SLC35A3: variants seen among roughly 807,000 people sequenced by gnomAD.
SLC35A3 encodes the protein solute carrier family 35 member A3, also known as UDP-N-acetylglucosamine transporter.
In SLC35A3, 26 loss-of-function variants were observed where a neutral mutation model predicts 39.0. The ratio of observed to expected loss-of-function variants is 0.67; its 90% CI spans 0.49 to 0.92. The LOEUF (loss-of-function observed/expected upper bound fraction) is 0.92, where lower values mean the gene tolerates loss of function less well. SLC35A3 is among the 40% of genes least tolerant of loss of function. The pLI, the probability that SLC35A3 is intolerant of heterozygous loss-of-function variation, is 0.00. For missense variants in SLC35A3, 299 were observed against 371.6 expected (o/e 0.80, Z 1.61); for synonymous variants, 135 against 133.1 (o/e 1.01, Z -0.10).
In SLC35A3 at chr1:100,028,493, AT is replaced by A. The variant is rs1311054031; in HGVS notation, c.*6022del. On this transcript the variant is annotated 3_prime_UTR_variant, in exon 8 of 8. Coordinates refer to ENST00000533028, the MANE Select transcript of SLC35A3 (RefSeq NM_012243.3). ...AGGTGCGCGCCACCATGCCCAGCTG[AT>A]TTTTGTATTTTTTTGTAGAGATGGG... 6.6e-6 allele frequency: 1 copy of A among 151,974 alleles called. No homozygotes were observed. Among genetic ancestry groups the A allele is most frequent in the East Asian group, 1.9e-4 (1 of 5,158 alleles). 9.4% of individuals were successfully genotyped at this position (151,974 alleles called of 1,614,324 possible).
chr1:100,005,209 T>G (rs1659139279), intron 3 of SLC35A3, among the ~76,000 whole-genome samples: 1 of 152,242 alleles, frequency 6.6e-6, no homozygotes, highest in Non-Finnish European at 1.5e-5. Flanking sequence ...GGAGATTCCC[T>G]TATATGTAAC....
chr1:100,007,225 G>T, intron 4 of SLC35A3, 69 bp downstream of exon 4: 1 of 1,344,396 alleles, frequency 7.4e-7, no homozygotes, highest in Non-Finnish European at 1.0e-6. Context: ...ATTTTGTGTG[G>T]AGAAATATGG....
At chr1:99,990,776 A>G (rs1277050537) in intron 1 of SLC35A3, among the ~76,000 whole-genome samples, 1 of 152,116 alleles carries the variant, frequency 6.6e-6, no homozygotes, top group Non-Finnish European at 1.5e-5. Context: ...CTAACTCTCA[A>G]TATGATGGTA....
At chr1:100,006,552 G>A (rs965109191) in intron 3 of SLC35A3, among the ~76,000 whole-genome samples, 1 of 152,136 alleles carries the variant, frequency 6.6e-6, no homozygotes, top group Admixed American at 6.6e-5. Flanking sequence ...AACAGGTTGT[G>A]CAGGGTCAGT....
rs1184691007 is a variant in SLC35A3, at chr1:100,011,447, G to A, written c.548G>A (p.Cys183Tyr). Reference protein sequence around the residue: ...FVGLMAVLTACFSSGFAGVYF... With the variant: ...FVGLMAVLTAYFSSGFAGVYF... ...GGACTCATGGCAGTTCTCACAGCAT[G>A]TTTTTCAAGTGGCTTTGCTGGGGTT... is the stretch of plus-strand genomic sequence containing the variant. Residue 183 changes from cysteine to tyrosine, a missense_variant, in exon 5 of 8, where the codon TGT (cysteine) becomes TAT (tyrosine). Cys to Tyr is a radical substitution (Grantham distance 194). Coordinates refer to ENST00000533028, the MANE Select transcript of SLC35A3 (RefSeq NM_012243.3). 1 of 1,583,232 alleles carries A rather than the reference G, an allele frequency of 6.3e-7. No homozygotes were observed. The highest frequency in any genetic ancestry group is 8.6e-7 in the Non-Finnish European group (1 of 1,158,646).
intron 1 of SLC35A3, among the ~76,000 whole-genome samples, chr1:99,990,683 T>C (rs1427113879): frequency 6.6e-6 from 1 of 152,200 alleles, no homozygotes; most frequent in Non-Finnish European, 1.5e-5. Context: ...TGTTTGACAA[T>C]ATTTATATAT....
At chr1:99,988,906 ACATG>A (rs1387465958) in intron 1 of SLC35A3, among the ~76,000 whole-genome samples, 1 of 151,912 alleles carries the variant, frequency 6.6e-6, no homozygotes, top group East Asian at 1.9e-4. Flanking sequence ...AGCTGGAACT[ACATG>A]CATGTAGCAC....
chr1:100,024,591 C>CA lies in SLC35A3; in HGVS notation c.*2115_*2116insA. On this transcript the variant is annotated 3_prime_UTR_variant, in exon 8 of 8. Transcript: ENST00000533028. Reference sequence around the variant, plus strand: ...AAAACACACACACACACACACACACCCACAGTATGAATGAAAAAAATAAAA... The same window carrying CA: ...AAAACACACACACACACACACACACCACACAGTATGAATGAAAAAAATAAAA... The CA allele has an allele frequency of 4.0e-6, 1 of 249,358 alleles. No homozygotes were observed. Among genetic ancestry groups the CA allele is most frequent in the Non-Finnish European group, 7.6e-6 (1 of 132,362 alleles). The allele number at this position is 249,358 out of a possible 1,614,324, so 15.4% of individuals were successfully genotyped here. A position where few individuals can be genotyped will look rare whatever the true frequency, so the allele number is the denominator to read the frequency against.
intron 1 of SLC35A3, among the ~76,000 whole-genome samples, chr1:99,986,605 T>G (rs886129215): frequency 6.6e-6 from 1 of 152,122 alleles, no homozygotes; most frequent in Non-Finnish European, 1.5e-5. Flanking sequence ...TTTGATTTTT[T>G]GAGACAGGGC....
At chr1:99,973,754 T>C (rs201438740) in intron 1 of SLC35A3, among the ~76,000 whole-genome samples, 4 of 152,194 alleles carry the variant, frequency 2.6e-5, no homozygotes, top group Admixed American at 6.5e-5. Context: ...TGGTGGCTCA[T>C]GCCTGTAATC....
chr1:100,011,754 C>G (rs573112287), intron 5 of SLC35A3, among the ~76,000 whole-genome samples: 5 of 150,978 alleles, frequency 3.3e-5, no homozygotes, highest in African/African-American at 1.2e-4. Context: ...GATTCTCGCT[C>G]TCTCGCCCAG....
chr1:100,022,441 G>A lies in SLC35A3; in HGVS notation c.943G>A (p.Asp315Asn). The part of the protein sequence containing the change: ...VITATFLYGY[D>N]PKPAGNPTKA The stretch of plus-strand genomic sequence containing the variant: ...AACAGCTACTTTTTTGTATGGTTAT[G>A]ATCCCAAACCTGCAGGAAATCCCAC... The change falls in exon 8 of 8, where the codon GAT becomes AAT. Residue 315 changes from aspartate (D) to asparagine (N), a missense_variant. By Grantham distance (23) the Asp-to-Asn change is conservative (BLOSUM62 1). Transcript: ENST00000533028. The A allele has an allele frequency of 6.2e-7, 1 of 1,606,422 alleles. No individual in the cohort carries two copies. Among genetic ancestry groups the A allele is most frequent in the Non-Finnish European group, 8.5e-7 (1 of 1,174,202 alleles).
At chr1:99,999,781 C>T (rs950690986) in intron 3 of SLC35A3, among the ~76,000 whole-genome samples, 16 of 151,962 alleles carry the variant, frequency 1.1e-4, no homozygotes, top group African/African-American at 3.9e-4. Flanking sequence ...TATCATTCTG[C>T]TCTCTACCTC....
rs11802879 is a variant in SLC35A3, at chr1:100,019,855, A to C, written c.887+2040A>C. Among the ~76,000 whole-genome samples the C allele has an allele frequency of 7.3e-3, 1,119 of 152,284 alleles. 12 individuals carry two copies. The highest frequency in any genetic ancestry group is 0.025 in the African/African-American group (1,053 of 41,564). On this transcript the variant is annotated intron_variant, in intron 7 of 7. Transcript: ENST00000533028. ...TAGACATCTCTACTGATACAATATC[A>C]CTGTTACCCACTTCCCTAAATTATT...
intron 4 of SLC35A3, chr1:100,008,317 T>C (rs932207158): frequency 6.6e-4 from 100 of 151,830 alleles, no homozygotes; most frequent in African/African-American, 2.4e-3. Context: ...AATTCATATT[T>C]TCATAAATAT....
intron 2 of SLC35A3, among the ~76,000 whole-genome samples, chr1:99,996,350 A>G (rs1557832011): frequency 6.6e-6 from 1 of 152,190 alleles, no homozygotes; most frequent in Admixed American, 6.5e-5. Context: ...TACTCCTACA[A>G]CTCAATCAGA....
intron 1 of SLC35A3, among the ~76,000 whole-genome samples, chr1:99,982,241 T>C (rs1557822618): frequency 6.6e-6 from 1 of 152,088 alleles, no homozygotes; most frequent in East Asian, 1.9e-4. Flanking sequence ...GCTCAGGCAA[T>C]CCGCCCACCT....
chr1:100,008,770 T>G (rs1470539103), intron 4 of SLC35A3: 1 of 152,238 alleles, frequency 6.6e-6, no homozygotes, highest in Non-Finnish European at 1.5e-5. Context: ...CATTTGTGCC[T>G]TCTTCTGTAC....
intron 1 of SLC35A3, among the ~76,000 whole-genome samples, chr1:99,977,585 A>AGGAAGGGAGGGG (rs1657193741): frequency 3.0e-4 from 1 of 3,292 alleles, no homozygotes; most frequent in African/African-American, 1.5e-3. Flanking sequence ...GAAGGGAGGG[A>AGGAAGGGAGGGG]GGGAGGGCGG....
Sources: allele counts gnomAD v4.1 joint callset (sites outside exome capture counted in the v4.1 genomes callset), GRCh38; gene constraint gnomAD v4.1.1; transcripts MANE v1.5; gene names NCBI Gene and HGNC (gene_info 2026-07-23, HGNC 2026-07-21).